MS4A18: variants seen among roughly 807,000 people sequenced by gnomAD.
MS4A18 encodes membrane spanning 4-domains A18, also known as membrane-spanning 4-domains subfamily A member 18.
Under a neutral mutation model 13.1 loss-of-function variants are expected in MS4A18, and 27 were observed. The ratio of observed to expected loss-of-function variants is 2.06; its 90% CI spans 1.52 to 2.84. The LOEUF is 2.84. Among genes scored for constraint, MS4A18 ranks in the 30% most tolerant of loss-of-function variants. MS4A18 has a pLI of 0.00. For synonymous variants in MS4A18, 126 were observed against 76.5 expected (o/e 1.65, Z -3.38); for missense variants, 307 against 196.4 (o/e 1.56, Z -3.37).
exon 6 of MS4A18, chr11:60,743,703 C>A: frequency 1.4e-6 from 1 of 703,034 alleles, no homozygotes; most frequent in Non-Finnish European, 2.6e-6. Context: ...ATACCACCAC[C>A]AGCCCTGTCA....
intron 2 of MS4A18, among the ~76,000 whole-genome samples, chr11:60,734,076 C>T (rs186031800): frequency 4.0e-5 from 6 of 151,880 alleles, no homozygotes; most frequent in Non-Finnish European, 7.4e-5. Context: ...AGACCTCCCC[C>T]CACCCGCCAT....
At chr11:60,740,000 A>G (rs958724106) in intron 4 of MS4A18, among the ~76,000 whole-genome samples, 16 of 152,232 alleles carry the variant, frequency 1.1e-4, no homozygotes, top group African/African-American at 3.1e-4. Context: ...GGCCCCAGGA[A>G]GAAGCCTGAT....
intron 2 of MS4A18, among the ~76,000 whole-genome samples, 190 bp downstream of exon 3, chr11:60,733,837 C>T (rs190416363): frequency 3.7e-4 from 56 of 151,166 alleles, no homozygotes; most frequent in Non-Finnish European, 8.0e-4. Context: ...CCCACCACCA[C>T]CCTCCCCATC....
chr11:60,743,201 T>A (rs1321699775), intron 5 of MS4A18, among the ~76,000 whole-genome samples: 1 of 152,244 alleles, frequency 6.6e-6, no homozygotes, highest in African/African-American at 2.4e-5. Flanking sequence ...AATAGCTTAC[T>A]CAACAACCAC....
rs558311602 is a variant in MS4A18 at position 60,731,687 on chromosome 11, C to T, written c.478-1847C>T. Among the ~76,000 whole-genome samples, 202 of 152,264 alleles carry T rather than the reference C, an allele frequency of 1.3e-3. 2 individuals carry two copies. The highest frequency in any genetic ancestry group is 4.7e-3 in the African/African-American group (194 of 41,554). ...ACTAAAAATGTCAAATCCTAGAAAACGTAGCATTTCTACGCATGGTGTTAA... is the reference window on the plus strand; with the variant it reads ...ACTAAAAATGTCAAATCCTAGAAAATGTAGCATTTCTACGCATGGTGTTAA... On this transcript the variant is annotated intron_variant, in intron 1 of 5. Coordinates refer to ENST00000529108, the Ensembl canonical transcript of MS4A18.
intron 2 of MS4A18, among the ~76,000 whole-genome samples, chr11:60,734,310 G>A (rs975693067): frequency 6.6e-6 from 1 of 152,114 alleles, no homozygotes; most frequent in Non-Finnish European, 1.5e-5. Context: ...AAAGTTGTGT[G>A]CTATAGACAG....
chr11:60,731,022 AG>A (rs1052317234), intron 1 of MS4A18, among the ~76,000 whole-genome samples: 22 of 152,140 alleles, frequency 1.4e-4, no homozygotes, highest in African/African-American at 5.1e-4. Flanking sequence ...TGAACCCGGG[AG>A]GCAGAGCTTG....
At chr11:60,730,205 T>C (rs1853232487) in intron 1 of MS4A18, among the ~76,000 whole-genome samples, 1 of 152,234 alleles carries the variant, frequency 6.6e-6, no homozygotes, top group African/African-American at 2.4e-5. Flanking sequence ...AATAAGAAGA[T>C]TCAGCTTTCT....
At chr11:60,733,584 T>C (rs1005079611) in exon 2 of MS4A18, 3 of 703,446 alleles carry the variant, frequency 4.3e-6, no homozygotes, top group Admixed American at 4.0e-5. Context: ...CAATTAACCC[T>C]GTGCTGTATT....
intron 2 of MS4A18, among the ~76,000 whole-genome samples, chr11:60,736,389 T>A (rs774340781): frequency 6.6e-6 from 1 of 151,978 alleles, no homozygotes; most frequent in East Asian, 1.9e-4. Flanking sequence ...CCAGGCCTCC[T>A]CATTTCAGGG....
At position 60,729,791 on chromosome 11, in the gene MS4A18, G is replaced by A. The variant is rs906486933; in HGVS notation, c.476G>A (p.Ser159Asn). 9 of 688,248 alleles carry A rather than the reference G, an allele frequency of 1.3e-5. No individual in the cohort carries two copies. The African/African-American group carries it at 1.6e-4, about 12-fold the overall frequency. The allele number at this position is 688,248 out of a possible 1,614,324, so 42.6% of individuals were successfully genotyped here. Residue 159 changes from serine to asparagine, a missense_variant and splice_region_variant, in exon 1 of 6, where the codon AGT becomes AAT. Transcript: ENST00000529108. ...GAGGAGGTCAGAACATTAGGGGTGA[G>A]TGTGATTTCTCCTTCTCTCCGATTT...
chr11:60,729,174 G>A, upstream of MS4A18: 6 of 602,314 alleles, frequency 1.0e-5, no homozygotes, highest in Non-Finnish European at 1.8e-5. Context: ...AAGGCAAGAA[G>A]TTTATTTTGT....
At chr11:60,737,964 C>T (rs1223076254) in intron 3 of MS4A18, among the ~76,000 whole-genome samples, 1 of 152,212 alleles carries the variant, frequency 6.6e-6, no homozygotes, top group Non-Finnish European at 1.5e-5. Flanking sequence ...CTGTTCATAT[C>T]CCAACAGGAC....
At chr11:60,738,814 T>A in intron 3 of MS4A18, 88 bp from the exon 5 acceptor site, 1 of 657,470 alleles carries the variant, frequency 1.5e-6, no homozygotes, top group Non-Finnish European at 2.7e-6. Context: ...CTGCCTTCTC[T>A]CTTCTCCGAC....
chr11:60,741,085 T>A (rs1253647970), exon 5 of MS4A18: 6 of 703,042 alleles, frequency 8.5e-6, no homozygotes, highest in Non-Finnish European at 1.6e-5. Context: ...CTGGAGTTCA[T>A]CCTCACTTGT....
intron 5 of MS4A18, among the ~76,000 whole-genome samples, chr11:60,742,963 C>A (rs1853430446): frequency 6.6e-6 from 1 of 152,198 alleles, no homozygotes; most frequent in South Asian, 2.1e-4. Flanking sequence ...CATGGGAAAT[C>A]ATTTCTCCAG....
exon 2 of MS4A18, chr11:60,733,607 T>G (rs1853289673): frequency 1.4e-6 from 1 of 703,534 alleles, no homozygotes; most frequent in Non-Finnish European, 2.6e-6. Context: ...TATCCTTTTG[T>G]GACCTGGTTG....
exon 4 of MS4A18, chr11:60,738,915 T>A (rs1380693527): frequency 1.4e-6 from 1 of 703,366 alleles, no homozygotes; most frequent in South Asian, 1.5e-5. Context: ...AACAGCAGCA[T>A]CAGCTTCAAC....
At chr11:60,728,404 ATGTGTGTGTGTGTG>A (rs150038728), upstream of MS4A18, among the ~76,000 whole-genome samples, 1 of 144,302 alleles carries the variant, frequency 6.9e-6, no homozygotes, top group Admixed American at 6.9e-5. Context: ...GTGTGTATGT[ATGTGTGTGTGTGTG>A]TGTGTGTGTG....
Sources: allele counts gnomAD v4.1 joint callset (sites outside exome capture counted in the v4.1 genomes callset), GRCh38; gene constraint gnomAD v4.1.1; transcripts MANE v1.5; gene names NCBI Gene and HGNC (gene_info 2026-07-23, HGNC 2026-07-21).